Variants in TP53BP1 observed in about 807,000 individuals in gnomAD.
TP53BP1 encodes TP53-binding protein 1.
In TP53BP1, 61 loss-of-function variants were observed where a neutral mutation model predicts 200.8. The observed-to-expected ratio is 0.30, with a 90% confidence interval of 0.25 to 0.38. TP53BP1 has a LOEUF of 0.38. Ranked by LOEUF, TP53BP1 falls within the 10% of genes least tolerant of loss-of-function variation. The probability of loss-of-function intolerance (pLI) is 1.00; values close to 1 mark genes in which losing one functional copy is unlikely to be tolerated. For synonymous variants in TP53BP1, 822 were observed against 844.3 expected (o/e 0.97, Z 0.46); for missense variants, 2,144 against 2,371.9 (o/e 0.90, Z 2.00).
At position 43,428,176 on chromosome 15, in the gene TP53BP1, A is replaced by G. The variant is rs369278902; in HGVS notation, c.3676-8T>C. On this transcript the variant is annotated splice_polypyrimidine_tract_variant and splice_region_variant and intron_variant, in intron 17 of 27. Coordinates refer to ENST00000382044, the MANE Select transcript of TP53BP1 (RefSeq NM_001141980.3). ...ATCAAACTCTTCTTCTCCCTGTGAC[A>G]GAAAATACAGAACATAAGCACAGGT... 63 of 1,612,620 alleles carry G rather than the reference A, an allele frequency of 3.9e-5. No individual in the cohort carries two copies. Among genetic ancestry groups the G allele is most frequent in the Non-Finnish European group, 5.1e-5 (60 of 1,179,216 alleles).
chr15:43,446,732 A>AT (rs2046050728), intron 13 of TP53BP1, 142 bp from the exon 14 acceptor site: 1 of 1,515,254 alleles, frequency 6.6e-7, no homozygotes, highest in African/African-American at 1.4e-5. Context: ...GATCCCTGTC[A>AT]TAAGTATCAA....
At chr15:43,481,813 CA>C (rs34854110) in intron 4 of TP53BP1, among the ~76,000 whole-genome samples, 59,047 of 111,366 alleles carry the variant, frequency 0.53, 16,438 homozygotes, top group African/African-American at 0.85. Context: ...GACTCTGTCT[CA>C]AAAAAAAAAA....
chr15:43,498,151 C>G (rs2079191434), upstream of TP53BP1, among the ~76,000 whole-genome samples: 1 of 152,050 alleles, frequency 6.6e-6, no homozygotes, highest in Non-Finnish European at 1.5e-5. Context: ...TTATTTTATT[C>G]ACTTTATGTG....
intron 14 of TP53BP1, among the ~76,000 whole-genome samples, chr15:43,441,888 T>C (rs2045932260): frequency 6.6e-6 from 1 of 152,104 alleles, no homozygotes; most frequent in African/African-American, 2.4e-5. Flanking sequence ...TAGCTGGGAC[T>C]ACAGGCATGC....
intron 11 of TP53BP1, among the ~76,000 whole-genome samples, chr15:43,469,568 G>A (rs2046672546): frequency 6.6e-6 from 1 of 152,074 alleles, no homozygotes; most frequent in Non-Finnish European, 1.5e-5. Context: ...TAACAGTTGT[G>A]TTAAAGTAGA....
At chr15:43,470,731 G>C (rs1370661015) in intron 10 of TP53BP1, among the ~76,000 whole-genome samples, 2 of 152,152 alleles carry the variant, frequency 1.3e-5, no homozygotes, top group Admixed American at 1.3e-4. Context: ...AGGCTATCAG[G>C]AACTTGCTTG....
intron 1 of TP53BP1, among the ~76,000 whole-genome samples, chr15:43,500,598 C>A: frequency 6.6e-6 from 1 of 151,520 alleles, no homozygotes; most frequent in Non-Finnish European, 1.5e-5. Flanking sequence ...GGTGGGTGGA[C>A]CACCTGAGGT....
At chr15:43,484,924 A>AT (rs982166218) in intron 4 of TP53BP1, among the ~76,000 whole-genome samples, 1 of 151,756 alleles carries the variant, frequency 6.6e-6, no homozygotes, top group African/African-American at 2.4e-5. Flanking sequence ...CTTACTGTGT[A>AT]TTTTTTGTAG....
chr15:43,434,710 C>T (rs1485806137), intron 16 of TP53BP1, among the ~76,000 whole-genome samples: 1 of 152,208 alleles, frequency 6.6e-6, no homozygotes, highest in Non-Finnish European at 1.5e-5. Flanking sequence ...TCTAGAACTT[C>T]TCAGCCTCCA....
intron 21 of TP53BP1, among the ~76,000 whole-genome samples, chr15:43,419,425 T>C (rs969768746): frequency 9.2e-5 from 14 of 151,530 alleles, no homozygotes; most frequent in Non-Finnish European, 1.6e-4. Context: ...AGTGTCATGA[T>C]CATAGCTCAC....
Position 43,406,600 on chromosome 15 carries a change from GA to G in TP53BP1, c.*782del. 1 of 455,940 alleles carries G rather than the reference GA, an allele frequency of 2.2e-6. No individual in the cohort carries two copies. Among genetic ancestry groups the G allele is most frequent in the Non-Finnish European group, 4.4e-6 (1 of 226,770 alleles). 28.2% of individuals were successfully genotyped at this position (455,940 alleles called of 1,614,324 possible). ...AATATTTACTCTTTGACCCTTTACA[GA>G]AAAAAACCTTGTTGACCCCTGCTTT... On this transcript the variant is annotated 3_prime_UTR_variant, in exon 28 of 28. Transcript: ENST00000382044.
At chr15:43,420,214 AC>A (rs2045362485) in intron 21 of TP53BP1, 90 bp downstream of exon 21, 1 of 1,265,810 alleles carries the variant, frequency 7.9e-7, no homozygotes, top group South Asian at 1.4e-5. Context: ...CTGGAAAAGT[AC>A]CAAGTAATGT....
Position 43,480,917 on chromosome 15 carries a change from A to T in TP53BP1, c.477T>A (p.Thr159=). Residue 159 remains threonine (T), a synonymous_variant, in exon 5 of 28, where the codon ACT becomes ACA. Transcript: ENST00000382044. ...TACCTTCAGCACCAAGGGAATGTGT[A>T]GTATTGCCTGAAGTATCTTCTTCCT... The part of the protein sequence containing the change: ...KEKEEDTSGN[T]THSLGAEDTA... The T allele has an allele frequency of 6.2e-7, 1 of 1,614,150 alleles. No homozygotes were observed.
intron 11 of TP53BP1, among the ~76,000 whole-genome samples, chr15:43,458,315 C>T (rs1210077758): frequency 2.6e-5 from 4 of 151,896 alleles, no homozygotes; most frequent in Non-Finnish European, 5.9e-5. Context: ...ACCTGTAGTC[C>T]CAGCTACTCA....
chr15:43,428,871 A>C (rs1216195644), intron 17 of TP53BP1, among the ~76,000 whole-genome samples: 1 of 152,220 alleles, frequency 6.6e-6, no homozygotes, highest in Non-Finnish European at 1.5e-5. Context: ...AATATTACTT[A>C]GGAGGATTGA....
intron 6 of TP53BP1, 60 bp downstream of exon 6, chr15:43,479,799 A>T (rs1487112781): frequency 6.4e-7 from 1 of 1,573,982 alleles, no homozygotes; most frequent in Non-Finnish European, 8.6e-7. Flanking sequence ...AGAAAAAATA[A>T]CTACCTCTAA....
At position 43,404,122 on chromosome 15, in the gene TP53BP1, C is replaced by T. The variant is rs142456685; in HGVS notation, c.*3261G>A. On this transcript the variant is annotated 3_prime_UTR_variant, in exon 28 of 28. Coordinates refer to ENST00000382044, the MANE Select transcript of TP53BP1 (RefSeq NM_001141980.3). Reference sequence around the variant, plus strand: ...CCCATCTCACTGAGATAATTATCTGCTTGTAATCAAAACGGGTTCTCCCCA... The same window carrying T: ...CCCATCTCACTGAGATAATTATCTGTTTGTAATCAAAACGGGTTCTCCCCA... 2 of 513,948 alleles carry T rather than the reference C, an allele frequency of 3.9e-6. No individual in the cohort carries two copies. Among genetic ancestry groups the T allele is most frequent in the African/African-American group, 3.8e-5 (2 of 52,750 alleles). The allele number at this position is 513,948 out of a possible 1,614,324, so 31.8% of individuals were successfully genotyped here.
At chr15:43,437,911 G>A (rs958939434) in intron 16 of TP53BP1, among the ~76,000 whole-genome samples, 1 of 152,212 alleles carries the variant, frequency 6.6e-6, no homozygotes, top group African/African-American at 2.4e-5. Context: ...TCTGAATGCT[G>A]AAATGTCCAA....
intron 4 of TP53BP1, among the ~76,000 whole-genome samples, chr15:43,482,874 A>G (rs1456204946): frequency 6.6e-6 from 1 of 152,004 alleles, no homozygotes; most frequent in Non-Finnish European, 1.5e-5. Flanking sequence ...AGGTTGCAGT[A>G]AGCCGAGACT....
Sources: allele counts gnomAD v4.1 joint callset (sites outside exome capture counted in the v4.1 genomes callset), GRCh38; gene constraint gnomAD v4.1.1; transcripts MANE v1.5; gene names NCBI Gene and HGNC (gene_info 2026-07-23, HGNC 2026-07-21).